Variants in ARHGAP6 observed in about 807,000 individuals in gnomAD.
ARHGAP6 encodes Rho GTPase activating protein 6.
In ARHGAP6, 16 loss-of-function variants were observed where a neutral mutation model predicts 55.7. The observed-to-expected ratio is 0.29, with a 90% CI of 0.19 to 0.44. ARHGAP6 has a LOEUF of 0.44. ARHGAP6 is among the 20% of genes least tolerant of loss of function. The probability of loss-of-function intolerance (pLI) is 1.00; values close to 1 mark genes in which losing one functional copy is unlikely to be tolerated. For missense variants in ARHGAP6, 698 were observed against 808.9 expected, an observed-to-expected ratio of 0.86 and a Z score of 1.66; for synonymous variants, 382 against 360.9, an observed-to-expected ratio of 1.06 and a Z score of -0.66.
chrX:11,157,078 G>C (rs1239196729), intron 9 of ARHGAP6, among the ~76,000 whole-genome samples: 1 of 112,087 alleles, frequency 8.9e-6, no homozygotes, highest in Non-Finnish European at 1.9e-5. Context: ...TTATTAAGAA[G>C]GCAGGCCCTT....
intron 1 of ARHGAP6, among the ~76,000 whole-genome samples, chrX:11,541,479 C>G (rs1487695362): frequency 9.0e-6 from 1 of 111,662 alleles, no homozygotes; most frequent in East Asian, 2.8e-4. Flanking sequence ...TGTTTACCAT[C>G]CCTAGGAATT....
intron 1 of ARHGAP6, among the ~76,000 whole-genome samples, chrX:11,382,898 C>T (rs1490062400): frequency 1.8e-5 from 2 of 112,413 alleles, no homozygotes; most frequent in Non-Finnish European, 3.8e-5. Context: ...TCAAATTTCA[C>T]TTGGCTTTGT....
chrX:11,563,063 A>G (rs1348006458), intron 1 of ARHGAP6, among the ~76,000 whole-genome samples: 1 of 111,733 alleles, frequency 8.9e-6, no homozygotes, highest in African/African-American at 3.3e-5. Flanking sequence ...AAAGAGACAT[A>G]AGGGCCATTG....
chrX:11,400,798 G>T (rs1315497766), intron 1 of ARHGAP6, among the ~76,000 whole-genome samples: 2 of 112,134 alleles, frequency 1.8e-5, no homozygotes, highest in East Asian at 2.8e-4. Context: ...GTGCCGTATT[G>T]TATTTGACTT....
intron 1 of ARHGAP6, among the ~76,000 whole-genome samples, chrX:11,531,071 T>C (rs2051043532): frequency 8.9e-6 from 1 of 112,293 alleles, no homozygotes; most frequent in Non-Finnish European, 1.9e-5. Context: ...AATGGATAGA[T>C]GAATGAATTA....
In ARHGAP6 at chrX:11,189,949, A is replaced by G. The variant is rs189103947; in HGVS notation, c.821-965T>C. On this transcript the variant is annotated intron_variant, in intron 3 of 12. Transcript: ENST00000337414. ...TAGACTCCAAATTAGGTCTCCTAGC[A>G]GCAGTAAGTTGGAATCTAACCTCTC... Among the ~76,000 whole-genome samples the G allele has an allele frequency of 8.2e-4, 92 of 112,530 alleles. 1 individual carries two copies. Among genetic ancestry groups the G allele is most frequent in the Middle Eastern group, 9.2e-3 (2 of 217 alleles).
At chrX:11,642,554 G>T (rs1006616153) in intron 1 of ARHGAP6, among the ~76,000 whole-genome samples, 5 of 111,956 alleles carry the variant, frequency 4.5e-5, no homozygotes, top group Admixed American at 3.8e-4. Flanking sequence ...ATTAACTGAT[G>T]AATGGATCAA....
chrX:11,340,320 G>A (rs778621416), intron 1 of ARHGAP6, among the ~76,000 whole-genome samples: 6 of 111,693 alleles, frequency 5.4e-5, no homozygotes, highest in Middle Eastern at 4.6e-3. Context: ...TGTTCCCTCC[G>A]CCTGGAATGA....
intron 9 of ARHGAP6, among the ~76,000 whole-genome samples, chrX:11,162,508 A>T (rs1198837687): frequency 9.0e-6 from 1 of 110,557 alleles, no homozygotes; most frequent in Non-Finnish European, 1.9e-5. Context: ...CACTTCTATG[A>T]CCCTCACCCC....
intron 1 of ARHGAP6, chrX:11,296,704 C>G: frequency 1.4e-4 from 148 of 1,024,002 alleles, no homozygotes; most frequent in Non-Finnish European, 1.8e-4. Flanking sequence ...GACTTAATCT[C>G]TTCCTCTCTC....
intron 1 of ARHGAP6, among the ~76,000 whole-genome samples, chrX:11,478,667 G>A (rs1287574061): frequency 4.5e-5 from 5 of 111,374 alleles, no homozygotes; most frequent in East Asian, 5.7e-4. Context: ...ACTAAATTGT[G>A]CCTTGCAAAG....
intron 2 of ARHGAP6, among the ~76,000 whole-genome samples, chrX:11,237,330 A>T (rs947661823): frequency 1.8e-5 from 2 of 112,348 alleles, no homozygotes; most frequent in South Asian, 3.7e-4. Context: ...GGCCATATCC[A>T]GTCCCCTACT....
chrX:11,424,879 T>C, intron 1 of ARHGAP6, among the ~76,000 whole-genome samples: 1 of 112,522 alleles, frequency 8.9e-6, no homozygotes, highest in South Asian at 3.7e-4. Context: ...ACTTTGAAAA[T>C]GTCTGTTTAT....
chrX:11,551,272 A>C (rs926501278), intron 1 of ARHGAP6, among the ~76,000 whole-genome samples: 1 of 111,733 alleles, frequency 8.9e-6, no homozygotes, highest in African/African-American at 3.3e-5. Flanking sequence ...TAATCATCAA[A>C]ATTTCTATTA....
intron 1 of ARHGAP6, among the ~76,000 whole-genome samples, chrX:11,476,709 GT>G (rs913936969): frequency 1.1e-4 from 12 of 111,143 alleles, no homozygotes; most frequent in African/African-American, 3.9e-4. Flanking sequence ...CAACAAAGGT[GT>G]CAAAAGTAAT....
intron 1 of ARHGAP6, among the ~76,000 whole-genome samples, chrX:11,621,864 C>A (rs1168692653): frequency 9.0e-6 from 1 of 111,124 alleles, no homozygotes; most frequent in Non-Finnish European, 1.9e-5. Context: ...AGTCAAACTG[C>A]AAAATATCAG....
At position 11,138,902 on chromosome X, in the gene ARHGAP6, C is replaced by T. The variant is rs373555436; in HGVS notation, c.2886G>A (p.Ser962=). The T allele has an allele frequency of 5.9e-6, 7 of 1,185,114 alleles. No homozygotes were observed. Among genetic ancestry groups the T allele is most frequent in the Non-Finnish European group, 1.1e-6 (1 of 888,019 alleles). Residue 962 remains serine, a synonymous_variant, in exon 13 of 13, where the codon TCG becomes TCA. Transcript: ENST00000337414. The stretch of plus-strand genomic sequence containing the variant: ...CGGGCAGGGCATCGGGGTTGTCGGT[C>T]GACAGGAGCTCCCAGATCTGCCAGC... The part of the protein sequence containing the change: ...RERWQIWELL[S]TDNPDALPET...
chrX:11,407,559 G>A lies in ARHGAP6; in HGVS notation c.589-152852C>T, dbSNP rs745747988. Among the ~76,000 whole-genome samples the A allele has an allele frequency of 5.4e-5, 6 of 111,962 alleles. No individual in the cohort carries two copies. In the East Asian group the frequency reaches 1.1e-3, roughly 21 times the overall value. On this transcript the variant is annotated intron_variant, in intron 1 of 12. Transcript: ENST00000337414. ...GGTAACTCTATGCTTAACTTTTTGA[G>A]GAACTGACAGGCTGTTTTTCAAAGT...
intron 8 of ARHGAP6, among the ~76,000 whole-genome samples, chrX:11,173,679 AG>A (rs1273884831): frequency 8.9e-6 from 1 of 112,668 alleles, no homozygotes; most frequent in Non-Finnish European, 1.9e-5. Context: ...TTCCCAAAAA[AG>A]CACTGATTGG....
Sources: gnomAD v4.1 joint callset for allele counts (sites outside exome capture counted in the v4.1 genomes callset) on GRCh38, gnomAD v4.1.1 for gene constraint, MANE v1.5 for transcripts, NCBI Gene and HGNC (gene_info 2026-07-23, HGNC 2026-07-21) for gene names.